The following EPS15L1 variants were observed in gnomAD, a reference collection of about 807,000 sequenced individuals.
EPS15L1 encodes epidermal growth factor receptor substrate 15-like 1.
EPS15L1 carries 43 observed loss-of-function variants against 117.1 expected under a neutral mutation model. That is an observed-to-expected ratio of 0.37 (90% confidence interval 0.29 to 0.47). EPS15L1 has a LOEUF of 0.47. Among genes scored for constraint, EPS15L1 ranks in the 20% least tolerant of loss-of-function variants. The pLI is 0.99. For missense variants in EPS15L1, 981 were observed against 1,164.0 expected, an observed-to-expected ratio of 0.84 and a Z score of 2.29; for synonymous variants, 459 against 470.5, an observed-to-expected ratio of 0.98 and a Z score of 0.32.
intron 1 of EPS15L1, among the ~76,000 whole-genome samples, chr19:16,442,905 C>A (rs1188432172): frequency 6.6e-6 from 1 of 152,160 alleles, no homozygotes; most frequent in Non-Finnish European, 1.5e-5. Flanking sequence ...CTAATCGGGG[C>A]CACCAGAGGC....
intron 22 of EPS15L1, among the ~76,000 whole-genome samples, chr19:16,367,308 G>A (rs2092146913): frequency 6.6e-6 from 1 of 151,676 alleles, no homozygotes; most frequent in African/African-American, 2.4e-5. Context: ...TGGGTGTGCT[G>A]ACTGCCTACC....
chr19:16,400,336 C>CAAAAAAAAAAA (rs1162302779), intron 16 of EPS15L1, among the ~76,000 whole-genome samples: 62 of 60,678 alleles, frequency 1.0e-3, no homozygotes, highest in Admixed American at 7.9e-3. Context: ...GACTCCGTCT[C>CAAAAAAAAAAA]AAAAAAAAAA....
chr19:16,382,660 T>C (rs1044242502), intron 21 of EPS15L1, among the ~76,000 whole-genome samples: 1 of 151,482 alleles, frequency 6.6e-6, no homozygotes, highest in African/African-American at 2.4e-5. Flanking sequence ...GTGAAATAAG[T>C]TGGACTCTTG....
At chr19:16,403,971 G>A (rs2092629405) in intron 14 of EPS15L1, 41 bp from the exon 15 acceptor site, 2 of 1,559,294 alleles carry the variant, frequency 1.3e-6, no homozygotes, top group Non-Finnish European at 1.8e-6. Flanking sequence ...GATTCACAGT[G>A]CAGGATGAAA....
chr19:16,355,874 G>A, intron 23 of EPS15L1, 23 bp from the exon 24 acceptor site: 1 of 1,533,342 alleles, frequency 6.5e-7, no homozygotes, highest in East Asian at 2.5e-5. Flanking sequence ...AACGGAGAGT[G>A]GGTGATGTGG....
intron 1 of EPS15L1, among the ~76,000 whole-genome samples, chr19:16,464,757 C>G (rs1323321107): frequency 6.6e-6 from 1 of 152,042 alleles, no homozygotes; most frequent in Non-Finnish European, 1.5e-5. Flanking sequence ...AACACTAACA[C>G]TAACACTAAC....
chr19:16,375,159 C>T (rs1033608590), intron 22 of EPS15L1, among the ~76,000 whole-genome samples: 39 of 152,114 alleles, frequency 2.6e-4, no homozygotes, highest in Non-Finnish European at 4.1e-4. Flanking sequence ...AGAGTGTGCA[C>T]GGAGGGGTGC....
intron 7 of EPS15L1, among the ~76,000 whole-genome samples, chr19:16,431,271 A>C (rs1391039203): frequency 1.3e-5 from 2 of 151,450 alleles, no homozygotes; most frequent in African/African-American, 4.8e-5. Flanking sequence ...AAATAAATAA[A>C]TAATACTTAT....
At chr19:16,382,557 C>T (rs2092374618) in intron 21 of EPS15L1, among the ~76,000 whole-genome samples, 1 of 151,342 alleles carries the variant, frequency 6.6e-6, no homozygotes, top group Admixed American at 6.6e-5. Flanking sequence ...TATCAATGCA[C>T]AGCTTTAAAC....
intron 13 of EPS15L1, 84 bp downstream of exon 13, chr19:16,413,689 T>C: frequency 8.5e-7 from 1 of 1,175,490 alleles, no homozygotes; most frequent in Non-Finnish European, 1.3e-6. Context: ...CCCCTGCCCT[T>C]CCCCACCACC....
chr19:16,466,859 C>T (rs77624476), intron 1 of EPS15L1, among the ~76,000 whole-genome samples: 19,625 of 150,496 alleles, frequency 0.13, 1,295 homozygotes, highest in Non-Finnish European at 0.14. Flanking sequence ...GCCAAGACAG[C>T]GCCATTGCAC....
chr19:16,395,314 C>A, intron 17 of EPS15L1, 30 bp downstream of exon 17: 1 of 1,601,550 alleles, frequency 6.2e-7, no homozygotes, highest in Non-Finnish European at 8.5e-7. Context: ...CACAGTCTTT[C>A]AATGAGAAAG....
intron 8 of EPS15L1, among the ~76,000 whole-genome samples, chr19:16,426,651 A>G (rs2092876076): frequency 1.3e-5 from 2 of 152,144 alleles, no homozygotes; most frequent in Non-Finnish European, 2.9e-5. Context: ...AAACAGAACA[A>G]CGACAACAAA....
intron 21 of EPS15L1, among the ~76,000 whole-genome samples, chr19:16,379,615 G>A (rs1028859323): frequency 6.6e-5 from 10 of 151,780 alleles, no homozygotes; most frequent in Admixed American, 4.6e-4. Flanking sequence ...AGGCTCCAGC[G>A]TCTAGTCACA....
chr19:16,420,472 T>G (rs948625811), intron 10 of EPS15L1, among the ~76,000 whole-genome samples: 8 of 152,190 alleles, frequency 5.3e-5, no homozygotes, highest in African/African-American at 1.9e-4. Context: ...CCTAGCCAGT[T>G]GGAGGCGGCT....
At chr19:16,442,311 ATATGATGATAGTTAGAGTCAAAATG>A in intron 1 of EPS15L1, 92 bp from the exon 2 acceptor site, 3 of 907,342 alleles carry the variant, frequency 3.3e-6, no homozygotes, top group South Asian at 2.8e-5. Context: ...TGACCAAAAT[ATATGATGATAGTTAGAGTCAAAATG>A]CATGCACTTT....
intron 17 of EPS15L1, 47 bp downstream of exon 17, chr19:16,395,297 T>C: frequency 6.3e-7 from 1 of 1,575,402 alleles, no homozygotes; most frequent in East Asian, 2.3e-5. Context: ...AAATTCGACA[T>C]AAAACACACA....
At chr19:16,363,293 T>A (rs2092085076) in intron 22 of EPS15L1, among the ~76,000 whole-genome samples, 1 of 152,206 alleles carries the variant, frequency 6.6e-6, no homozygotes, top group Non-Finnish European at 1.5e-5. Flanking sequence ...TCGAAGCTAA[T>A]GTTTAGAAAA....
At chr19:16,367,524 A>AC (rs1490351664) in intron 22 of EPS15L1, among the ~76,000 whole-genome samples, 44 of 149,702 alleles carry the variant, frequency 2.9e-4, no homozygotes, top group Middle Eastern at 3.5e-3. Context: ...AAAAAAAAAA[A>AC]AACTTGGTGG....
Sources: allele counts gnomAD v4.1 joint callset (sites outside exome capture counted in the v4.1 genomes callset), GRCh38; gene constraint gnomAD v4.1.1; transcripts MANE v1.5; gene names NCBI Gene and HGNC (gene_info 2026-07-23, HGNC 2026-07-21).